ALK: variants seen among roughly 807,000 people sequenced by gnomAD.
The protein encoded by ALK is ALK receptor tyrosine kinase.
Under a neutral mutation model 163.1 loss-of-function variants are expected in ALK, and 74 were observed. The observed-to-expected ratio is 0.45, with a 90% CI of 0.38 to 0.55. ALK has a LOEUF of 0.55. Ranked by LOEUF, ALK falls within the 20% of genes least tolerant of loss-of-function variation. The probability of loss-of-function intolerance (pLI) is 0.00; values close to 1 mark genes in which losing one functional copy is unlikely to be tolerated. For synonymous variants in ALK, 960 were observed against 843.2 expected (o/e 1.14, Z -2.40); for missense variants, 2,063 against 2,105.3 (o/e 0.98, Z 0.39).
intron 3 of ALK, among the ~76,000 whole-genome samples, chr2:29,662,164 G>A (rs1394064810): frequency 1.3e-5 from 2 of 152,076 alleles, no homozygotes; most frequent in Admixed American, 6.6e-5. Flanking sequence ...TGCCCACCTC[G>A]GCCTCCCAAA....
intron 26 of ALK, among the ~76,000 whole-genome samples, chr2:29,202,954 G>A (rs1372928506): frequency 1.3e-5 from 2 of 152,220 alleles, no homozygotes. Flanking sequence ...CAGGATGTGT[G>A]TGTGTTCAGG....
At chr2:29,331,712 G>A (rs772434956) in intron 5 of ALK, among the ~76,000 whole-genome samples, 4 of 152,074 alleles carry the variant, frequency 2.6e-5, no homozygotes, top group South Asian at 4.2e-4. Context: ...CCCAGGAGTC[G>A]AGAGCACCCC....
At chr2:29,654,084 G>C (rs1228747579) in intron 3 of ALK, among the ~76,000 whole-genome samples, 6 of 152,032 alleles carry the variant, frequency 3.9e-5, no homozygotes, top group Admixed American at 3.9e-4. Flanking sequence ...ATAATATACA[G>C]AATTGTGTGG....
At chr2:29,300,130 G>A (rs939771100) in intron 8 of ALK, among the ~76,000 whole-genome samples, 1 of 152,200 alleles carries the variant, frequency 6.6e-6, no homozygotes, top group Non-Finnish European at 1.5e-5. Flanking sequence ...GTATAGGGGA[G>A]CCCATGCAGG....
intron 1 of ALK, among the ~76,000 whole-genome samples, chr2:29,775,520 T>C (rs1418644254): frequency 6.7e-6 from 1 of 148,258 alleles, no homozygotes; most frequent in African/African-American, 2.5e-5. Context: ...AGGATCGGAG[T>C]GGACTCCCTC....
rs1359988461 is a variant in ALK at position 29,393,066 on chromosome 2, TTCAAGGTTACTGAGTGC to T, written c.1155-9224_1155-9208del. Reference sequence around the variant, plus strand: ...ACTGAATGCCCAAGGTTACTAAGTGTTCAAGGTTACTGAGTGCTCAAGGTTATTCTTTAGTACCCCTA... The same window carrying T: ...ACTGAATGCCCAAGGTTACTAAGTGTTCAAGGTTATTCTTTAGTACCCCTA... On this transcript the variant is annotated intron_variant, in intron 4 of 28. Coordinates refer to ENST00000389048, the MANE Select transcript of ALK (RefSeq NM_004304.5). Among the ~76,000 whole-genome samples, 3 of 152,058 alleles carry T rather than the reference TTCAAGGTTACTGAGTGC, an allele frequency of 2.0e-5. 1 individual carries two copies. The highest frequency in any genetic ancestry group is 2.0e-4 in the Admixed American group (3 of 15,282).
intron 3 of ALK, among the ~76,000 whole-genome samples, chr2:29,660,099 G>A (rs1318138028): frequency 6.6e-6 from 1 of 152,170 alleles, no homozygotes; most frequent in Non-Finnish European, 1.5e-5. Context: ...AATAAGCCAT[G>A]GATGTGCTAT....
chr2:29,818,849 C>G (rs577409458), intron 1 of ALK, among the ~76,000 whole-genome samples: 1 of 152,230 alleles, frequency 6.6e-6, no homozygotes, highest in East Asian at 1.9e-4. Flanking sequence ...GTGAGAATCA[C>G]CTGGGATGCT....
intron 1 of ALK, among the ~76,000 whole-genome samples, chr2:29,827,128 G>A (rs1487491725): frequency 6.6e-6 from 1 of 152,202 alleles, no homozygotes; most frequent in Non-Finnish European, 1.5e-5. Flanking sequence ...GGAAAAGAGA[G>A]CTTAAAGACA....
At chr2:29,262,692 CA>C (rs2148206405) in intron 11 of ALK, among the ~76,000 whole-genome samples, 1 of 152,366 alleles carries the variant, frequency 6.6e-6, no homozygotes, top group South Asian at 2.1e-4. Context: ...CTGCGGAAGG[CA>C]GACACCCCTT....
intron 3 of ALK, among the ~76,000 whole-genome samples, chr2:29,612,710 T>G (rs996279907): frequency 6.6e-6 from 1 of 152,116 alleles, no homozygotes; most frequent in Non-Finnish European, 1.5e-5. Context: ...GTTTAGCTCA[T>G]GAAGGGGGTG....
intron 9 of ALK, chr2:29,286,325 A>C (rs1214705717): frequency 6.6e-6 from 1 of 152,200 alleles, no homozygotes; most frequent in African/African-American, 2.4e-5. Context: ...TGTGTCAGCC[A>C]ATGACATTTC....
intron 3 of ALK, among the ~76,000 whole-genome samples, chr2:29,658,514 CA>C (rs768203522): frequency 1.3e-5 from 2 of 152,122 alleles, no homozygotes; most frequent in Non-Finnish European, 2.9e-5. Flanking sequence ...CAAATACCAC[CA>C]AACAACACTT....
At position 29,538,670 on chromosome 2, in the gene ALK, A is replaced by AT. The variant is rs201914596; in HGVS notation, c.953-6555dup. On this transcript the variant is annotated intron_variant, in intron 3 of 28. Coordinates refer to ENST00000389048, the MANE Select transcript of ALK (RefSeq NM_004304.5). The stretch of plus-strand genomic sequence containing the variant: ...ATCAAATAGTACAGAATTGCTTATA[A>AT]TTTTTTTTAAAACAGCCTCTAACCT... 4.9e-3 allele frequency among the ~76,000 whole-genome samples: 750 copies of AT among 152,118 alleles called. 5 individuals are homozygous for AT. The highest frequency in any genetic ancestry group is 8.1e-3 in the Non-Finnish European group (550 of 67,980).
chr2:29,339,515 C>T (rs1000983366), intron 5 of ALK, among the ~76,000 whole-genome samples: 4 of 152,056 alleles, frequency 2.6e-5, no homozygotes, highest in Non-Finnish European at 4.4e-5. Flanking sequence ...GGAGCATGGA[C>T]CTTATTTAAG....
At chr2:29,549,061 A>G (rs7568222) in intron 3 of ALK, among the ~76,000 whole-genome samples, 142,956 of 151,890 alleles carry the variant, frequency 0.94, 67,606 homozygotes, top group Non-Finnish European at 0.99. Flanking sequence ...AGCAGGAGGA[A>G]GAAGCAGAAT....
intron 4 of ALK, among the ~76,000 whole-genome samples, chr2:29,385,089 T>C (rs557124076): frequency 2.5e-4 from 37 of 150,692 alleles, no homozygotes; most frequent in East Asian, 1.2e-3. Context: ...GGCTTATTTA[T>C]ACATCTATGA....
intron 3 of ALK, among the ~76,000 whole-genome samples, chr2:29,645,576 C>T (rs1159146038): frequency 3.3e-5 from 5 of 152,086 alleles, no homozygotes; most frequent in Non-Finnish European, 7.4e-5. Flanking sequence ...AGAAGACTGG[C>T]CCTAGAGAAG....
At chr2:29,306,887 G>C (rs190147308) in intron 8 of ALK, among the ~76,000 whole-genome samples, 5 of 152,130 alleles carry the variant, frequency 3.3e-5, no homozygotes, top group Non-Finnish European at 4.4e-5. Context: ...CCAGGAGTAC[G>C]CCACCAGCAA....
Sources: gnomAD v4.1 joint callset for allele counts (sites outside exome capture counted in the v4.1 genomes callset) on GRCh38, gnomAD v4.1.1 for gene constraint, MANE v1.5 for transcripts, NCBI Gene and HGNC (gene_info 2026-07-23, HGNC 2026-07-21) for gene names.